IL17RA: variants seen among roughly 807,000 people sequenced by gnomAD.
IL17RA encodes the protein interleukin-17 receptor A.
Under a neutral mutation model 50.4 loss-of-function variants are expected in IL17RA, and 34 were observed. The observed-to-expected ratio is 0.67, with a 90% CI of 0.51 to 0.90. The LOEUF (loss-of-function observed/expected upper bound fraction) is 0.90. Among genes scored for constraint, IL17RA ranks in the 40% least tolerant of loss-of-function variants. The probability of loss-of-function intolerance (pLI) is 0.00; values close to 1 mark genes in which losing one functional copy is unlikely to be tolerated. For synonymous variants in IL17RA, 585 were observed against 510.4 expected (o/e 1.15, Z -1.97); for missense variants, 1,276 against 1,169.8 (o/e 1.09, Z -1.32).
At chr22:17,095,120 C>T (rs1294470527) in intron 1 of IL17RA, among the ~76,000 whole-genome samples, 1 of 151,986 alleles carries the variant, frequency 6.6e-6, no homozygotes, top group Non-Finnish European at 1.5e-5. Context: ...CCATGCAATT[C>T]TAAATAAAAT....
At chr22:17,094,671 CT>C (rs2061360539) in intron 1 of IL17RA, among the ~76,000 whole-genome samples, 1 of 40,764 alleles carries the variant, frequency 2.5e-5, no homozygotes, top group East Asian at 4.3e-4. Context: ...CTCTCTCTCT[CT>C]CTCTCTCTCT....
At chr22:17,093,925 C>T (rs1310200575) in intron 1 of IL17RA, 4 of 146,554 alleles carry the variant, frequency 2.7e-5, no homozygotes, top group African/African-American at 4.9e-5. Flanking sequence ...GGTGTCACCA[C>T]CTCATTGGTG....
At chr22:17,103,770 AGT>A (rs2061401048) in intron 8 of IL17RA, among the ~76,000 whole-genome samples, 193 bp downstream of exon 8, 1 of 117,556 alleles carries the variant, frequency 8.5e-6, no homozygotes, top group South Asian at 2.8e-4. Context: ...GGGAGTGGGG[AGT>A]GTGCACAGGT....
rs750769527 is a variant in IL17RA, at chr22:17,108,743, C to G, written c.1524C>G (p.Ser508Arg). The change falls in exon 13 of 13, where the codon AGC becomes AGG. Residue 508 changes from serine to arginine, a missense_variant. Transcript: ENST00000319363. Reference protein sequence around the residue: ...TYVVCYFSEVSCDGDVPDLFG... With the variant: ...TYVVCYFSEVRCDGDVPDLFG... ...TAGTCTGCTACTTCAGCGAGGTCAGCTGTGACGGCGACGTCCCCGACCTGT... is the reference window on the plus strand; with the variant it reads ...TAGTCTGCTACTTCAGCGAGGTCAGGTGTGACGGCGACGTCCCCGACCTGT... 1 of 1,611,602 alleles carries G rather than the reference C, an allele frequency of 6.2e-7. No homozygotes were observed. The highest frequency in any genetic ancestry group is 1.3e-5 in the African/African-American group (1 of 74,914).
intron 1 of IL17RA, among the ~76,000 whole-genome samples, chr22:17,094,893 T>C (rs1384258342): frequency 6.6e-6 from 1 of 151,448 alleles, no homozygotes; most frequent in Non-Finnish European, 1.5e-5. Flanking sequence ...CCATAGTAGA[T>C]AGCAATCTAT....
At chr22:17,097,708 GT>G in intron 2 of IL17RA, 88 bp from the exon 3 acceptor site, 1 of 1,548,872 alleles carries the variant, frequency 6.5e-7, no homozygotes, top group Non-Finnish European at 8.9e-7. Flanking sequence ...CCCCTGAGCT[GT>G]TTGCTGTCTA....
intron 1 of IL17RA, among the ~76,000 whole-genome samples, chr22:17,085,909 C>A (rs950435069): frequency 3.2e-4 from 48 of 152,338 alleles, no homozygotes; most frequent in Middle Eastern, 3.4e-3. Context: ...CTGAGGGCCA[C>A]CTCCCCAGAG....
At position 17,108,472 on chromosome 22, in the gene IL17RA, A is replaced by C. The variant is rs199551186; in HGVS notation, c.1253A>C (p.Gln418Pro). The change falls in exon 13 of 13, where the codon CAG becomes CCG. Residue 418 changes from glutamine (Q) to proline (P), a missense_variant. By Grantham distance (76) the Gln-to-Pro change is moderately conservative. Transcript: ENST00000319363. ...GTGGCCCTGGACCTGCTGGAAGAGC[A>C]GGCCATCTCGGAGGCAGGAGTCATG... Reference protein sequence around the residue: ...TEVALDLLEEQAISEAGVMTW... With the variant: ...TEVALDLLEEPAISEAGVMTW... The C allele has an allele frequency of 6.2e-7, 1 of 1,613,624 alleles. No homozygotes were observed. Among genetic ancestry groups the C allele is most frequent in the East Asian group, 2.2e-5 (1 of 44,878 alleles).
rs1445063135 is a variant in IL17RA at position 17,111,282 on chromosome 22, C to G, written c.*1462C>G. The G allele has an allele frequency of 6.6e-6, 1 of 152,218 alleles. No homozygotes were observed. The highest frequency in any genetic ancestry group is 1.5e-5 in the Non-Finnish European group (1 of 68,068). 9.4% of individuals were successfully genotyped at this position (152,218 alleles called of 1,614,324 possible). ...AAAAGCATCTGGCAGGAAGGTGAGTCTGAAGCCCTGCACCCGCGTTCCGAC... is the reference window on the plus strand; with the variant it reads ...AAAAGCATCTGGCAGGAAGGTGAGTGTGAAGCCCTGCACCCGCGTTCCGAC... On this transcript the variant is annotated 3_prime_UTR_variant, in exon 13 of 13. Transcript: ENST00000319363.
At position 17,087,899 on chromosome 22, in the gene IL17RA, C is replaced by T. The variant is rs138709452; in HGVS notation, c.138+2670C>T. Among the ~76,000 whole-genome samples, 552 of 152,236 alleles carry T rather than the reference C, an allele frequency of 3.6e-3. 3 individuals are homozygous for T. The highest frequency in any genetic ancestry group is 0.013 in the African/African-American group (533 of 41,538). On this transcript the variant is annotated intron_variant, in intron 1 of 12. Transcript: ENST00000319363. ...CAGAGTCTTTTTTCCTGAGCGTTTG[C>T]GGTTTTGACTTGTGGTTGTAGAACA... is the stretch of plus-strand genomic sequence containing the variant.
rs1332194751 is a variant in IL17RA, at chr22:17,114,830, T to TGCACACTG, written c.*5013_*5020dup. The TGCACACTG allele has an allele frequency of 2.0e-5, 3 of 152,278 alleles. No individual in the cohort carries two copies. The highest frequency in any genetic ancestry group is 7.2e-5 in the African/African-American group (3 of 41,478). The allele number at this position is 152,278 out of a possible 1,614,324, so 9.4% of individuals were successfully genotyped here. ...GATGTGGGAGGAAGAAGGGCCTTGG[T>TGCACACTG]GCACACTGGCTTTTCTTCCTGACTG... On this transcript the variant is annotated 3_prime_UTR_variant, in exon 13 of 13. Transcript: ENST00000319363.
chr22:17,107,776 T>C lies in IL17RA; in HGVS notation c.1087+8T>C. 6.2e-7 allele frequency: 1 copy of C among 1,613,168 alleles called. No homozygotes were observed. The highest frequency in any genetic ancestry group is 8.5e-7 in the Non-Finnish European group (1 of 1,179,068). ...ATGACACCAAATACACCGGTCAGTA[T>C]TTCCTGGTTTGCATGTTTGCTTATT... On this transcript the variant is annotated splice_region_variant and intron_variant, in intron 12 of 12. Coordinates refer to ENST00000319363, the MANE Select transcript of IL17RA (RefSeq NM_014339.7).
At position 17,109,667 on chromosome 22, in the gene IL17RA, A is replaced by G. The variant is rs369685344; in HGVS notation, c.2448A>G (p.Glu816=). The part of the protein sequence containing the change: ...EGLTEMEEEE[E]EEQDPGKPAL... The stretch of plus-strand genomic sequence containing the variant: ...TCACGGAAATGGAGGAAGAGGAGGA[A>G]GAGGAGCAGGACCCAGGGAAGCCGG... Residue 816 remains glutamate (E), a synonymous_variant, in exon 13 of 13, where the codon GAA becomes GAG. Transcript: ENST00000319363. 1.7e-5 allele frequency: 27 copies of G among 1,603,388 alleles called. No individual in the cohort carries two copies. In the Middle Eastern group the frequency reaches 6.8e-4, roughly 41 times the overall value.
In IL17RA at chr22:17,108,890, CTA is replaced by C. The variant is rs1568923698; in HGVS notation, c.1672_1673del (p.Tyr558ProfsTer30). 6.2e-7 allele frequency: 1 copy of C among 1,611,250 alleles called. No homozygotes were observed. ...GCGTAGGGGAGCTGTCGGGGGACAA[CTA>C]CCTGCGGAGCCCGGGCGGCAGGCAG... Reference protein sequence around the residue: ...HRVGELSGDNYLRSPGGRQLR... With the variant: ...HRVGELSGDNXLRSPGGRQLR... On this transcript the variant is annotated frameshift_variant, in exon 13 of 13. Coordinates refer to ENST00000319363, the MANE Select transcript of IL17RA (RefSeq NM_014339.7). LOFTEE classifies it low-confidence loss of function (END_TRUNC).
intron 3 of IL17RA, among the ~76,000 whole-genome samples, chr22:17,098,167 C>T (rs1028285845): frequency 2.6e-5 from 4 of 152,266 alleles, no homozygotes; most frequent in African/African-American, 9.6e-5. Flanking sequence ...AAAGGACTTC[C>T]TTCAACCTAA....
At position 17,110,431 on chromosome 22, in the gene IL17RA, G is replaced by C. The variant is rs1479056115; in HGVS notation, c.*611G>C. ...GAGAATTGCTTGAATCTGGGAGGCAGAGGTTGCAGTGAGCCGAGATTGTGC... is the reference window on the plus strand; with the variant it reads ...GAGAATTGCTTGAATCTGGGAGGCACAGGTTGCAGTGAGCCGAGATTGTGC... On this transcript the variant is annotated 3_prime_UTR_variant, in exon 13 of 13. Transcript: ENST00000319363. 1 of 158,190 alleles carries C rather than the reference G, an allele frequency of 6.3e-6. No individual in the cohort carries two copies. Among genetic ancestry groups the C allele is most frequent in the African/African-American group, 2.5e-5 (1 of 40,776 alleles). 9.8% of individuals were successfully genotyped at this position (158,190 alleles called of 1,614,324 possible).
chr22:17,108,735 G>C lies in IL17RA; in HGVS notation c.1516G>C (p.Glu506Gln). 1 of 1,611,852 alleles carries C rather than the reference G, an allele frequency of 6.2e-7. No homozygotes were observed. Among genetic ancestry groups the C allele is most frequent in the Non-Finnish European group, 8.5e-7 (1 of 1,179,756 alleles). ...FGTYVVCYFSEVSCDGDVPDL... is the reference protein window; with the variant it reads ...FGTYVVCYFSQVSCDGDVPDL... ...CACCTACGTAGTCTGCTACTTCAGC[G>C]AGGTCAGCTGTGACGGCGACGTCCC... The change falls in exon 13 of 13, where the codon GAG becomes CAG. Residue 506 changes from glutamate (E) to glutamine (Q), a missense_variant. Coordinates refer to ENST00000319363, the MANE Select transcript of IL17RA (RefSeq NM_014339.7).
intron 1 of IL17RA, among the ~76,000 whole-genome samples, chr22:17,094,669 C>CTATATATATATATATATATA (rs2061360235): frequency 4.1e-5 from 1 of 24,238 alleles, no homozygotes; most frequent in Non-Finnish European, 9.6e-5. Flanking sequence ...CTCTCTCTCT[C>CTATATATATATATATATATA]TCTCTCTCTC....
At chr22:17,087,052 TCTTC>T (rs1180594456) in intron 1 of IL17RA, among the ~76,000 whole-genome samples, 2 of 152,364 alleles carry the variant, frequency 1.3e-5, no homozygotes, top group African/African-American at 4.8e-5. Context: ...TCTCTCGTTC[TCTTC>T]CTTCCTCTCT....
Sources: allele counts gnomAD v4.1 joint callset (sites outside exome capture counted in the v4.1 genomes callset), GRCh38; gene constraint gnomAD v4.1.1; transcripts MANE v1.5; gene names NCBI Gene and HGNC (gene_info 2026-07-23, HGNC 2026-07-21).